Variants in MOSMO observed in about 807,000 individuals in gnomAD.
MOSMO encodes modulator of smoothened, also known as modulator of smoothened protein.
A neutral mutation model predicts 18.4 loss-of-function variants in MOSMO; 5 were observed. The observed-to-expected ratio is 0.27, with a 90% CI of 0.14 to 0.57. The LOEUF is 0.57. Among genes scored for constraint, MOSMO ranks in the 20% least tolerant of loss-of-function variants. MOSMO has a pLI of 0.92. For synonymous variants in MOSMO, 82 were observed against 82.3 expected (o/e 1.00, Z 0.02); for missense variants, 138 against 211.8 (o/e 0.65, Z 2.16).
intron 1 of MOSMO, among the ~76,000 whole-genome samples, chr16:22,053,077 C>T (rs554891323): frequency 6.6e-6 from 1 of 151,254 alleles, no homozygotes; most frequent in East Asian, 1.9e-4. Context: ...GCCTCAGACT[C>T]CCAAGTAGCT....
At chr16:22,044,475 C>T (rs1451548203) in intron 1 of MOSMO, among the ~76,000 whole-genome samples, 2 of 152,096 alleles carry the variant, frequency 1.3e-5, no homozygotes, top group Non-Finnish European at 2.9e-5. Flanking sequence ...CTCCAGAATC[C>T]AAAACTTTTT....
In MOSMO at chr16:22,080,841, A is replaced by G. The variant is rs1901064873; in HGVS notation, c.465A>G (p.Val155=). The change falls in exon 3 of 3, where the codon GTA becomes GTG. Residue 155 remains valine, a synonymous_variant. Transcript: ENST00000542527. The part of the protein sequence containing the change: ...LFVLSIFFTI[V]GLLFAGKVCL... ...TCTTATCAATTTTCTTTACAATAGTAGGACTTCTATTTGCTGGCAAAGTTT... is the reference window on the plus strand; with the variant it reads ...TCTTATCAATTTTCTTTACAATAGTGGGACTTCTATTTGCTGGCAAAGTTT... 6.9e-7 allele frequency: 1 copy of G among 1,444,096 alleles called. No individual in the cohort carries two copies. The highest frequency in any genetic ancestry group is 2.8e-5 in the East Asian group (1 of 36,140). The allele number at this position is 1,444,096 out of a possible 1,614,324, so 89.5% of individuals were successfully genotyped here. A position where few individuals can be genotyped will look rare whatever the true frequency, so the allele number is the denominator to read the frequency against.
In MOSMO at chr16:22,083,640, C is replaced by T. The variant is rs1374627823; in HGVS notation, c.*2760C>T. The T allele has an allele frequency of 6.6e-6, 3 of 452,722 alleles. No homozygotes were observed. Among genetic ancestry groups the T allele is most frequent in the African/African-American group, 6.0e-5 (3 of 49,822 alleles). 28.0% of individuals were successfully genotyped at this position (452,722 alleles called of 1,614,324 possible). ...ATAAAACACTGTTTTATGGTGCAAT[C>T]ATTTGTCAAACTTTTGTCTGTTTCA... is the stretch of plus-strand genomic sequence containing the variant. On this transcript the variant is annotated 3_prime_UTR_variant, in exon 3 of 3. Transcript: ENST00000542527.
chr16:22,080,921 A>G lies in MOSMO; in HGVS notation c.*41A>G, dbSNP rs1321833623. ...CTTGACTCTTATTATTTTTTATTTT[A>G]TTTTATTTTTTTATTTTTGGAGGGT... On this transcript the variant is annotated 3_prime_UTR_variant, in exon 3 of 3. Transcript: ENST00000542527. 4.7e-6 allele frequency: 5 copies of G among 1,053,242 alleles called. No homozygotes were observed. The South Asian group carries it at 1.2e-4, about 26-fold the overall frequency. The allele number at this position is 1,053,242 out of a possible 1,614,324, so 65.2% of individuals were successfully genotyped here.
At chr16:22,050,226 A>G (rs190753983) in intron 1 of MOSMO, among the ~76,000 whole-genome samples, 1 of 152,354 alleles carries the variant, frequency 6.6e-6, no homozygotes, top group East Asian at 1.9e-4. Context: ...TTCTAAAGCT[A>G]GAGACAGAAC....
At chr16:22,044,097 G>C (rs1432840486) in intron 1 of MOSMO, among the ~76,000 whole-genome samples, 2 of 151,862 alleles carry the variant, frequency 1.3e-5, no homozygotes, top group East Asian at 3.9e-4. Context: ...GGAACCCCCC[G>C]CCCCCATGAT....
rs537162155 is a variant in MOSMO, at chr16:22,021,577, G to A, written c.106+13170G>A. On this transcript the variant is annotated intron_variant, in intron 1 of 2. Transcript: ENST00000542527. ...TCTGGGAGGCCGAGATGGGCAGATC[G>A]CTTGAGCTCAAGGAGTTCGAGACCA... 2.6e-5 allele frequency among the ~76,000 whole-genome samples: 4 copies of A among 152,118 alleles called. No homozygotes were observed. The South Asian group carries it at 8.3e-4, about 32-fold the overall frequency.
At chr16:22,039,177 T>TGAGAA (rs1900164755) in intron 1 of MOSMO, among the ~76,000 whole-genome samples, 1 of 152,186 alleles carries the variant, frequency 6.6e-6, no homozygotes, top group Non-Finnish European at 1.5e-5. Flanking sequence ...TAATCTGTTC[T>TGAGAA]CAGTGATGGG....
intron 2 of MOSMO, chr16:22,075,960 G>A (rs1037988928): frequency 5.6e-6 from 2 of 358,704 alleles, no homozygotes; most frequent in Non-Finnish European, 1.1e-5. Context: ...TGACATAAGT[G>A]TTCCAGGTTT....
downstream of MOSMO, chr16:22,087,588 A>G (rs1901209686): frequency 1.3e-5 from 2 of 152,328 alleles, no homozygotes; most frequent in South Asian, 4.1e-4. Flanking sequence ...TGAAGAACCA[A>G]AATCCTTTCC....
intron 1 of MOSMO, among the ~76,000 whole-genome samples, chr16:22,058,026 T>A (rs1049796916): frequency 6.6e-5 from 10 of 152,146 alleles, no homozygotes; most frequent in African/African-American, 2.2e-4. Context: ...GTTCAGGTAA[T>A]ACAGGACCTG....
At chr16:22,010,950 G>C (rs1055101943) in intron 1 of MOSMO, among the ~76,000 whole-genome samples, 1 of 151,612 alleles carries the variant, frequency 6.6e-6, no homozygotes, top group Non-Finnish European at 1.5e-5. Context: ...AAAAAAAAAG[G>C]GCAAGCTCCT....
chr16:22,008,493 G>T, intron 1 of MOSMO, 86 bp downstream of exon 1: 1 of 978,464 alleles, frequency 1.0e-6, no homozygotes, highest in Non-Finnish European at 1.5e-6. Flanking sequence ...AGAGGACGGG[G>T]TGGAGGGTCC....
chr16:22,016,717 G>T (rs963222645), intron 1 of MOSMO, among the ~76,000 whole-genome samples: 1 of 152,162 alleles, frequency 6.6e-6, no homozygotes, highest in Admixed American at 6.5e-5. Flanking sequence ...TTTACGAGCC[G>T]TGTAATTGAT....
At chr16:22,088,830 C>T (rs1901237173), downstream of MOSMO, among the ~76,000 whole-genome samples, 1 of 152,158 alleles carries the variant, frequency 6.6e-6, no homozygotes, top group South Asian at 2.1e-4. Context: ...TCCTGCTGTC[C>T]TGCATTGCCA....
At chr16:22,008,470 A>T in intron 1 of MOSMO, 63 bp downstream of exon 1, 1 of 1,200,546 alleles carries the variant, frequency 8.3e-7, no homozygotes, top group Admixed American at 2.1e-5. Context: ...GAGAGGGGAG[A>T]CCCGGACTGA....
At chr16:22,008,833 G>A (rs1178637173) in intron 1 of MOSMO, among the ~76,000 whole-genome samples, 4 of 152,160 alleles carry the variant, frequency 2.6e-5, no homozygotes, top group African/African-American at 4.8e-5. Flanking sequence ...AGAGGCTAGG[G>A]CTGAGAGTGA....
chr16:22,074,489 A>G (rs1598025599), intron 1 of MOSMO, among the ~76,000 whole-genome samples: 1 of 152,124 alleles, frequency 6.6e-6, no homozygotes, highest in African/African-American at 2.4e-5. Flanking sequence ...CCATTCCTAT[A>G]TTTTTGGTAA....
chr16:22,086,167 A>G (rs1227683205), downstream of MOSMO: 11 of 152,214 alleles, frequency 7.2e-5, no homozygotes, highest in Admixed American at 3.9e-4. Flanking sequence ...ATTCACTCTG[A>G]TCCATCCAAA....
Sources: allele counts gnomAD v4.1 joint callset (sites outside exome capture counted in the v4.1 genomes callset), GRCh38; gene constraint gnomAD v4.1.1; transcripts MANE v1.5; gene names NCBI Gene and HGNC (gene_info 2026-07-23, HGNC 2026-07-21).